Variants in PRDM5 observed in about 807,000 individuals in gnomAD.
PRDM5 encodes PR/SET domain 5.
Under a neutral mutation model 81.2 loss-of-function variants are expected in PRDM5, and 56 were observed. The ratio of observed to expected loss-of-function variants is 0.69; its 90% CI spans 0.56 to 0.86. The LOEUF is 0.86. PRDM5 is among the 40% of genes least tolerant of loss of function. The pLI is 0.00. For synonymous variants in PRDM5, 267 were observed against 256.4 expected, an observed-to-expected ratio of 1.04 and a Z score of -0.39; for missense variants, 697 against 770.1, an observed-to-expected ratio of 0.91 and a Z score of 1.12.
At chr4:120,801,267 C>A (rs1341983708) in intron 8 of PRDM5, among the ~76,000 whole-genome samples, 1 of 152,222 alleles carries the variant, frequency 6.6e-6, no homozygotes, top group African/African-American at 2.4e-5. Flanking sequence ...GCAAAAGTCC[C>A]TGAACTGGTA....
chr4:120,911,520 G>GTAACTTT, intron 1 of PRDM5, among the ~76,000 whole-genome samples: 1 of 152,286 alleles, frequency 6.6e-6, no homozygotes, highest in South Asian at 2.1e-4. Context: ...GGACTAGACA[G>GTAACTTT]TAACTTTTAA....
At chr4:120,898,334 A>G (rs1303733388) in intron 2 of PRDM5, among the ~76,000 whole-genome samples, 1 of 152,190 alleles carries the variant, frequency 6.6e-6, no homozygotes, top group Non-Finnish European at 1.5e-5. Flanking sequence ...ACGCAGCTTC[A>G]TAATTCTGCA....
intron 1 of PRDM5, among the ~76,000 whole-genome samples, chr4:120,918,945 G>A (rs964230191): frequency 6.6e-6 from 1 of 152,206 alleles, no homozygotes; most frequent in African/African-American, 2.4e-5. Context: ...AATGGTTGCA[G>A]CCTGCCAAGT....
chr4:120,769,149 C>CA (rs1186781829), intron 13 of PRDM5, among the ~76,000 whole-genome samples: 6 of 152,194 alleles, frequency 3.9e-5, no homozygotes, highest in African/African-American at 1.4e-4. Flanking sequence ...TACTATCATA[C>CA]AGGTAATGCA....
intron 14 of PRDM5, among the ~76,000 whole-genome samples, chr4:120,734,575 A>G (rs906622691): frequency 6.6e-6 from 1 of 152,214 alleles, no homozygotes; most frequent in South Asian, 2.1e-4. Context: ...CAAGATTCAG[A>G]CAGAGCATGT....
chr4:120,790,039 T>C (rs1301101356), intron 10 of PRDM5, among the ~76,000 whole-genome samples: 1 of 152,110 alleles, frequency 6.6e-6, no homozygotes, highest in Admixed American at 6.6e-5. Flanking sequence ...GATTTTCAGA[T>C]GAAGTTATAG....
rs574543383 is a variant in PRDM5, at chr4:120,784,436, A to T, written c.1282+562T>A. Among the ~76,000 whole-genome samples the T allele has an allele frequency of 3.9e-5, 6 of 152,292 alleles. No homozygotes were observed. The South Asian group carries it at 1.2e-3, about 32-fold the overall frequency. On this transcript the variant is annotated intron_variant, in intron 11 of 15. Coordinates refer to ENST00000264808, the MANE Select transcript of PRDM5 (RefSeq NM_018699.4). ...TCTGACAAAAGAAGAAATCTCAGGC[A>T]GTGGTAAGTAGGAAAAGCACCTATC... is the stretch of plus-strand genomic sequence containing the variant.
At chr4:120,766,593 T>C (rs1267552678) in intron 13 of PRDM5, among the ~76,000 whole-genome samples, 2 of 152,146 alleles carry the variant, frequency 1.3e-5, no homozygotes. Flanking sequence ...TGTATGTAGT[T>C]CTATGGTATG....
chr4:120,748,593 A>G (rs1273923117), intron 14 of PRDM5, among the ~76,000 whole-genome samples: 1 of 151,494 alleles, frequency 6.6e-6, no homozygotes, highest in African/African-American at 2.4e-5. Context: ...GTACACTATG[A>G]TTGCACCACT....
intron 4 of PRDM5, among the ~76,000 whole-genome samples, chr4:120,819,542 A>G (rs1456091111): frequency 6.6e-6 from 1 of 152,112 alleles, no homozygotes; most frequent in African/African-American, 2.4e-5. Flanking sequence ...AAAATTTTAA[A>G]AAAACCAAAA....
chr4:120,820,631 A>C (rs1441375537), intron 4 of PRDM5, among the ~76,000 whole-genome samples: 1 of 152,228 alleles, frequency 6.6e-6, no homozygotes, highest in Admixed American at 6.5e-5. Flanking sequence ...GCAACCTAGC[A>C]ATCCTCCAGG....
intron 13 of PRDM5, among the ~76,000 whole-genome samples, chr4:120,759,396 C>A (rs1455628568): frequency 6.6e-6 from 1 of 152,188 alleles, no homozygotes; most frequent in Non-Finnish European, 1.5e-5. Flanking sequence ...TTAGGGCAAT[C>A]CTGCCTCTCT....
intron 15 of PRDM5, among the ~76,000 whole-genome samples, chr4:120,706,394 C>T (rs1736150337): frequency 6.6e-6 from 1 of 151,974 alleles, no homozygotes; most frequent in South Asian, 2.1e-4. Flanking sequence ...AAAGAGGTGT[C>T]CAACATGAGG....
At chr4:120,911,726 C>A (rs1180137924) in intron 1 of PRDM5, among the ~76,000 whole-genome samples, 1 of 152,124 alleles carries the variant, frequency 6.6e-6, no homozygotes, top group Non-Finnish European at 1.5e-5. Flanking sequence ...AAGATTTCTT[C>A]CAGCTTTTAA....
At chr4:120,752,027 A>G (rs1349905404) in intron 14 of PRDM5, among the ~76,000 whole-genome samples, 1 of 152,210 alleles carries the variant, frequency 6.6e-6, no homozygotes, top group Non-Finnish European at 1.5e-5. Flanking sequence ...ATTGAAACTG[A>G]AATGTGTTAT....
At chr4:120,839,078 G>A in intron 3 of PRDM5, 1 of 581,714 alleles carries the variant, frequency 1.7e-6, no homozygotes, top group Non-Finnish European at 3.1e-6. Context: ...GAAGCTCGGA[G>A]ACACCAGGAA....
chr4:120,873,959 G>GT (rs896483815), intron 2 of PRDM5, among the ~76,000 whole-genome samples: 5 of 151,964 alleles, frequency 3.3e-5, no homozygotes, highest in Non-Finnish European at 5.9e-5. Context: ...TGTTTATCCA[G>GT]TTTTTTTATT....
chr4:120,808,885 C>T (rs1451825727), intron 8 of PRDM5, among the ~76,000 whole-genome samples: 1 of 152,220 alleles, frequency 6.6e-6, no homozygotes, highest in African/African-American at 2.4e-5. Context: ...AGCCCACGCC[C>T]ACCTGGAACT....
At position 120,781,168 on chromosome 4, in the gene PRDM5, G is replaced by T; in HGVS notation, c.1418C>A (p.Pro473His). The T allele has an allele frequency of 6.2e-7, 1 of 1,613,260 alleles. No homozygotes were observed. The highest frequency in any genetic ancestry group is 8.5e-7 in the Non-Finnish European group (1 of 1,179,478). ...TTTCTTATGACTTCTAAGCACTGAA[G>T]GTGTAACAAAGGCCTTATTACATAG... Reference protein sequence around the residue: ...CELCNKAFVTPSVLRSHKKTH... With the variant: ...CELCNKAFVTHSVLRSHKKTH... The change falls in exon 12 of 16, where the codon CCT becomes CAT. Residue 473 changes from proline (P) to histidine (H), a missense_variant. Coordinates refer to ENST00000264808, the MANE Select transcript of PRDM5 (RefSeq NM_018699.4).
Sources: allele counts gnomAD v4.1 joint callset (sites outside exome capture counted in the v4.1 genomes callset), GRCh38; gene constraint gnomAD v4.1.1; transcripts MANE v1.5; gene names NCBI Gene and HGNC (gene_info 2026-07-23, HGNC 2026-07-21).